The following DCAF17 variants were observed in gnomAD, a reference collection of about 807,000 sequenced individuals.
DCAF17 encodes the protein DDB1 and CUL4 associated factor 17.
Under a neutral mutation model 66.0 loss-of-function variants are expected in DCAF17, and 48 were observed. That is an observed-to-expected ratio of 0.73 (90% CI 0.58 to 0.92). DCAF17 has a LOEUF of 0.92. Ranked by LOEUF, DCAF17 falls within the 40% of genes least tolerant of loss-of-function variation. DCAF17 has a pLI of 0.00. For synonymous variants in DCAF17, 206 were observed against 214.6 expected, an observed-to-expected ratio of 0.96 and a Z score of 0.35; for missense variants, 562 against 622.8, an observed-to-expected ratio of 0.90 and a Z score of 1.04.
chr2:171,453,844 T>G (rs1229053822), intron 6 of DCAF17, among the ~76,000 whole-genome samples: 1 of 152,216 alleles, frequency 6.6e-6, no homozygotes, highest in African/African-American at 2.4e-5. Flanking sequence ...CCTGAAGTAT[T>G]GTAGAGGACA....
chr2:171,453,274 A>G (rs1695059924), intron 6 of DCAF17, 61 bp downstream of exon 6: 1 of 1,218,038 alleles, frequency 8.2e-7, no homozygotes. Context: ...TAATGTCATT[A>G]TTTAATTATT....
intron 7 of DCAF17, 55 bp downstream of exon 7, chr2:171,458,130 T>A: frequency 4.0e-6 from 6 of 1,502,410 alleles, no homozygotes; most frequent in Non-Finnish European, 5.5e-6. Flanking sequence ...TCGACTAAAG[T>A]ATGATTTTTT....
At position 171,483,477 on chromosome 2, in the gene DCAF17, A is replaced by G. The variant is rs1476834260; in HGVS notation, c.*2363A>G. The G allele has an allele frequency of 1.1e-5, 5 of 453,986 alleles. No individual in the cohort carries two copies. The highest frequency in any genetic ancestry group is 2.0e-5 in the African/African-American group (1 of 50,014). The allele number at this position is 453,986 out of a possible 1,614,324, so 28.1% of individuals were successfully genotyped here. On this transcript the variant is annotated 3_prime_UTR_variant, in exon 14 of 14. Transcript: ENST00000375255. ...TGCATTCTCAGAGCATCAATGCAGC[A>G]AGCTTATTGTTCCTCAATTTTTTAC...
intron 3 of DCAF17, among the ~76,000 whole-genome samples, chr2:171,446,040 A>G (rs1047064076): frequency 1.3e-5 from 2 of 152,168 alleles, no homozygotes; most frequent in African/African-American, 4.8e-5. Flanking sequence ...GAATAAATGC[A>G]TTTATATCAT....
At chr2:171,442,869 T>G (rs541390428) in intron 2 of DCAF17, among the ~76,000 whole-genome samples, 14 of 151,838 alleles carry the variant, frequency 9.2e-5, no homozygotes, top group Middle Eastern at 3.4e-3. Context: ...TGTGAGAAAC[T>G]GTCTCAAAAA....
intron 2 of DCAF17, among the ~76,000 whole-genome samples, chr2:171,439,858 G>T (rs982149577): frequency 1.3e-5 from 2 of 152,130 alleles, no homozygotes; most frequent in African/African-American, 4.8e-5. Context: ...AATCTGGGAG[G>T]TGGAGGTTGC....
intron 8 of DCAF17, among the ~76,000 whole-genome samples, chr2:171,462,517 A>G (rs1168912671): frequency 6.6e-6 from 1 of 152,190 alleles, no homozygotes; most frequent in African/African-American, 2.4e-5. Flanking sequence ...ATAAGATAAC[A>G]TCTCTTCAGA....
intron 12 of DCAF17, chr2:171,479,833 A>T: frequency 1.8e-6 from 1 of 550,416 alleles, no homozygotes; most frequent in Non-Finnish European, 3.2e-6. Flanking sequence ...TCTGTAGGAT[A>T]CTGCTTAACT....
intron 1 of DCAF17, 39 bp from the exon 2 acceptor site, chr2:171,435,044 A>G (rs1161730693): frequency 3.4e-6 from 5 of 1,450,746 alleles, no homozygotes; most frequent in Non-Finnish European, 4.8e-6. Context: ...TTAAAGCCTA[A>G]GAGTTCTTTC....
rs1696810438 is a variant in DCAF17, at chr2:171,483,111, AG to A, written c.*1998del. On this transcript the variant is annotated 3_prime_UTR_variant, in exon 14 of 14. Transcript: ENST00000375255. ...AAAGATGCCAGAAGATACAGAAGAT[AG>A]CAAAGAATGTGGGGAATTTGGATAC... The A allele has an allele frequency of 4.4e-6, 2 of 454,142 alleles. No homozygotes were observed. The highest frequency in any genetic ancestry group is 8.8e-6 in the Non-Finnish European group (2 of 226,790). 28.1% of individuals were successfully genotyped at this position (454,142 alleles called of 1,614,324 possible). A position where few individuals can be genotyped will look rare whatever the true frequency, so the allele number is the denominator to read the frequency against.
intron 8 of DCAF17, among the ~76,000 whole-genome samples, chr2:171,465,020 A>C (rs1015492025): frequency 3.3e-5 from 5 of 151,994 alleles, no homozygotes; most frequent in African/African-American, 1.2e-4. Flanking sequence ...ACATGGTGAA[A>C]CCCTGTCTCT....
At position 171,457,909 on chromosome 2, in the gene DCAF17, A is replaced by G. The variant is rs1695348694; in HGVS notation, c.628-62A>G. 2.3e-5 allele frequency: 29 copies of G among 1,278,866 alleles called. No homozygotes were observed. The South Asian group carries it at 3.2e-4, about 14-fold the overall frequency. The allele number at this position is 1,278,866 out of a possible 1,614,324, so 79.2% of individuals were successfully genotyped here. A position where few individuals can be genotyped will look rare whatever the true frequency, so the allele number is the denominator to read the frequency against. On this transcript the variant is annotated intron_variant, in intron 6 of 13. Coordinates refer to ENST00000375255, the MANE Select transcript of DCAF17 (RefSeq NM_025000.4). ...TTAAGCAAGAGTACAAACCACTGTGAACATTCAGAGGATTGGACTTCCAGT... is the reference window on the plus strand; with the variant it reads ...TTAAGCAAGAGTACAAACCACTGTGGACATTCAGAGGATTGGACTTCCAGT...
At chr2:171,457,366 A>T (rs971908077) in intron 6 of DCAF17, among the ~76,000 whole-genome samples, 1 of 152,208 alleles carries the variant, frequency 6.6e-6, no homozygotes, top group African/African-American at 2.4e-5. Flanking sequence ...TTGGACAAGG[A>T]CATCTTCATT....
chr2:171,441,796 C>T (rs1055937103), intron 2 of DCAF17, among the ~76,000 whole-genome samples: 2 of 152,188 alleles, frequency 1.3e-5, no homozygotes, highest in Admixed American at 6.5e-5. Flanking sequence ...TCTTCATATG[C>T]TGTATGTCCC....
intron 6 of DCAF17, among the ~76,000 whole-genome samples, chr2:171,454,662 T>C (rs956779346): frequency 6.6e-6 from 1 of 152,010 alleles, no homozygotes; most frequent in Non-Finnish European, 1.5e-5. Flanking sequence ...TTTGGGAGGC[T>C]GAGGCAGGCC....
rs1329555281 is a variant in DCAF17, at chr2:171,458,400, G to A, written c.761G>A (p.Cys254Tyr). 2.5e-6 allele frequency: 4 copies of A among 1,614,006 alleles called. No homozygotes were observed. Among genetic ancestry groups the A allele is most frequent in the Non-Finnish European group, 3.4e-6 (4 of 1,179,952 alleles). The change falls in exon 8 of 14, where the codon TGT (cysteine) becomes TAT (tyrosine). Residue 254 changes from cysteine to tyrosine, a missense_variant. Cys to Tyr is a radical substitution (Grantham distance 194). This residue lies in a region of DCAF17 where 348 missense variants were observed against 355.9 expected (regional missense o/e 0.98). Transcript: ENST00000375255. ...QFMQQKLDLGCACRWGGTTGT... is the reference protein window; with the variant it reads ...QFMQQKLDLGYACRWGGTTGT... ...ATGCAACAGAAACTTGACTTAGGGT[G>A]TGCATGCAGATGGGGTGGGACTACT...
rs185157481 is a variant in DCAF17 at position 171,484,639 on chromosome 2, T to C, written c.*3525T>C. The C allele has an allele frequency of 4.2e-5, 19 of 453,514 alleles. No individual in the cohort carries two copies. Among genetic ancestry groups the C allele is most frequent in the African/African-American group, 3.2e-4 (16 of 50,084 alleles). The allele number at this position is 453,514 out of a possible 1,614,324, so 28.1% of individuals were successfully genotyped here. On this transcript the variant is annotated 3_prime_UTR_variant, in exon 14 of 14. Transcript: ENST00000375255. ...AAATGTACAAATCTTAAGTATAAAT[T>C]TACTGAGTTCTTGCAGACATATACA...
intron 3 of DCAF17, 36 bp downstream of exon 3, chr2:171,443,649 AT>A: frequency 1.3e-6 from 2 of 1,547,856 alleles, no homozygotes; most frequent in African/African-American, 1.4e-5. Context: ...TTTCTAAAGC[AT>A]TTTTAGCCTA....
intron 2 of DCAF17, among the ~76,000 whole-genome samples, chr2:171,438,043 T>C (rs1015067945): frequency 6.6e-6 from 1 of 152,250 alleles, no homozygotes; most frequent in Non-Finnish European, 1.5e-5. Flanking sequence ...ATCCCACAAA[T>C]GTTGATACGT....
Sources: gnomAD v4.1 joint callset for allele counts (sites outside exome capture counted in the v4.1 genomes callset) on GRCh38, gnomAD v4.1.1 for gene constraint, gnomAD v4.1.1 regional missense constraint, MANE v1.5 for transcripts, NCBI Gene and HGNC (gene_info 2026-07-23, HGNC 2026-07-21) for gene names.